Variants in FAM131B observed in about 807,000 individuals in gnomAD.
FAM131B encodes family with sequence similarity 131 member B.
In FAM131B, 19 loss-of-function variants were observed where a neutral mutation model predicts 42.0. That is an observed-to-expected ratio of 0.45 (90% CI 0.32 to 0.66). The LOEUF is 0.66. FAM131B is among the 30% of genes least tolerant of loss of function. The pLI is 0.05. For synonymous variants in FAM131B, 183 were observed against 177.6 expected, an observed-to-expected ratio of 1.03 and a Z score of -0.24; for missense variants, 370 against 468.4, an observed-to-expected ratio of 0.79 and a Z score of 1.94.
chr7:143,378,010 C>CT, the FAM131B span, among the ~76,000 whole-genome samples: 1 of 152,258 alleles, frequency 6.6e-6, no homozygotes, highest in African/African-American at 2.4e-5. Context: ...GCCACTGTGC[C>CT]TGGCCAGGGC....
rs752963735 is a variant in FAM131B at position 143,362,347 on chromosome 7, G to A, written c.28+229C>T. On this transcript the variant is annotated intron_variant, in intron 1 of 6. Coordinates refer to ENST00000443739, the MANE Select transcript of FAM131B (RefSeq NM_001031690.3). The surrounding 1 kb of genome is among the most constrained non-coding windows in gnomAD (Gnocchi z 7.7). The stretch of plus-strand genomic sequence containing the variant: ...GGACCGCGCCTGCGGGAGGGCGACG[G>A]GGAGAAGGAAGCGAGCCGAGCGGGA... Among the ~76,000 whole-genome samples the A allele has an allele frequency of 1.3e-5, 2 of 152,288 alleles. No homozygotes were observed. The highest frequency in any genetic ancestry group is 2.1e-4 in the South Asian group (1 of 4,830).
chr7:143,381,580 C>A, the FAM131B span: 12 of 1,610,102 alleles, frequency 7.5e-6, no homozygotes, highest in Non-Finnish European at 1.0e-5. Context: ...CCATGGCGGC[C>A]CCCCGCCCGT....
chr7:143,375,052 A>G, the FAM131B span, among the ~76,000 whole-genome samples: 150 of 152,292 alleles, frequency 9.8e-4, no homozygotes, highest in African/African-American at 3.5e-3. Context: ...TTTGCTCATT[A>G]TTATGTCCCC....
At position 143,359,061 on chromosome 7, in the gene FAM131B, T is replaced by C. The variant is rs1424943263; in HGVS notation, c.269-37A>G. Reference sequence around the variant, plus strand: ...GACATTTCCCACATCCTCCAGAATATCACACAATACCCATAACCAGACCCT... The same window carrying C: ...GACATTTCCCACATCCTCCAGAATACCACACAATACCCATAACCAGACCCT... On this transcript the variant is annotated intron_variant, in intron 4 of 6. Coordinates refer to ENST00000443739, the MANE Select transcript of FAM131B (RefSeq NM_001031690.3). This position sits in a 1 kb window ranked among gnomAD's most constrained non-coding sequence, Gnocchi z 5.4. 2.5e-6 allele frequency: 4 copies of C among 1,595,500 alleles called. No homozygotes were observed. The highest frequency in any genetic ancestry group is 3.4e-6 in the Non-Finnish European group (4 of 1,167,802).
chr7:143,356,010 C>T lies in FAM131B; in HGVS notation c.*540G>A, dbSNP rs1052109075. Reference sequence around the variant, plus strand: ...CTCTCCACCCTCCCCATGGACGTGCCCTTCAGGCAGCCTCCCCTGCGCCTG... The same window carrying T: ...CTCTCCACCCTCCCCATGGACGTGCTCTTCAGGCAGCCTCCCCTGCGCCTG... On this transcript the variant is annotated 3_prime_UTR_variant, in exon 7 of 7. Transcript: ENST00000443739. This position sits in a 1 kb window ranked among gnomAD's most constrained non-coding sequence, Gnocchi z 4.4. 6.3e-6 allele frequency: 1 copy of T among 158,418 alleles called. No individual in the cohort carries two copies. The highest frequency in any genetic ancestry group is 2.4e-5 in the African/African-American group (1 of 41,450). The allele number at this position is 158,418 out of a possible 1,614,324, so 9.8% of individuals were successfully genotyped here.
At chr7:143,381,696 G>A in the FAM131B span, 4 of 1,606,510 alleles carry the variant, frequency 2.5e-6, no homozygotes, top group East Asian at 6.8e-5. Flanking sequence ...TTCCGGCCCG[G>A]GGACAGCGAG....
chr7:143,375,969 C>G, the FAM131B span, among the ~76,000 whole-genome samples: 2 of 152,230 alleles, frequency 1.3e-5, no homozygotes, highest in African/African-American at 4.8e-5. Flanking sequence ...ATCTGACCAT[C>G]TGCCTCGCTC....
At chr7:143,363,293 C>G (rs972351656), upstream of FAM131B, among the ~76,000 whole-genome samples, 4 of 152,112 alleles carry the variant, frequency 2.6e-5, no homozygotes, top group Admixed American at 2.0e-4. Flanking sequence ...TAGTCCACTT[C>G]TCTGTGCTCG....
chr7:143,369,489 A>C, the FAM131B span, among the ~76,000 whole-genome samples: 604 of 152,226 alleles, frequency 4.0e-3, 6 homozygotes, highest in African/African-American at 0.014. Flanking sequence ...TGCCTGGCCA[A>C]CACGGTGAAA....
the FAM131B span, among the ~76,000 whole-genome samples, chr7:143,370,156 T>G: frequency 6.6e-6 from 1 of 152,342 alleles, no homozygotes; most frequent in East Asian, 1.9e-4. Flanking sequence ...GGCCAAGGAA[T>G]GCAAGCAATG....
At chr7:143,363,794 TAGGTCTCTCCG>T (rs1804107256), upstream of FAM131B, 1 of 152,204 alleles carries the variant, frequency 6.6e-6, no homozygotes, top group South Asian at 2.1e-4. Context: ...CGCCCACTTT[TAGGTCTCTCCG>T]AGGTTGCAGA....
At position 143,354,579 on chromosome 7, in the gene FAM131B, G is replaced by C. The variant is rs1035462027; in HGVS notation, c.*1971C>G. Reference sequence around the variant, plus strand: ...GAGACGGGTGGGGAATAGCTGCCAGGGCGGGCATGCTAGACCACCTCTCAG... The same window carrying C: ...GAGACGGGTGGGGAATAGCTGCCAGCGCGGGCATGCTAGACCACCTCTCAG... On this transcript the variant is annotated 3_prime_UTR_variant, in exon 7 of 7. Transcript: ENST00000443739. 6.6e-6 allele frequency: 1 copy of C among 152,160 alleles called. No individual in the cohort carries two copies. The highest frequency in any genetic ancestry group is 1.5e-5 in the Non-Finnish European group (1 of 68,054). The allele number at this position is 152,160 out of a possible 1,614,324, so 9.4% of individuals were successfully genotyped here. A position where few individuals can be genotyped will look rare whatever the true frequency, so the allele number is the denominator to read the frequency against.
the FAM131B span, chr7:143,381,353 TGCGGACCCGGCGCCGAG>T: frequency 3.5e-6 from 4 of 1,151,734 alleles, no homozygotes; most frequent in Non-Finnish European, 4.3e-6. Flanking sequence ...ACGCAGAGTC[TGCGGACCCGGCGCCGAG>T]GCGGCCACCC....
the FAM131B span, among the ~76,000 whole-genome samples, chr7:143,376,000 C>T: frequency 6.6e-6 from 1 of 152,218 alleles, no homozygotes; most frequent in Non-Finnish European, 1.5e-5. Context: ...ACCCACCACA[C>T]ATTTCTGGCT....
chr7:143,367,976 CAA>C, the FAM131B span, among the ~76,000 whole-genome samples: 1 of 152,340 alleles, frequency 6.6e-6, no homozygotes, highest in East Asian at 1.9e-4. Context: ...GGAAAGCCTG[CAA>C]CCCCTACTGC....
chr7:143,380,614 G>A, the FAM131B span: 2 of 985,510 alleles, frequency 2.0e-6, no homozygotes, highest in Non-Finnish European at 2.4e-6. This position sits in a 1 kb window ranked among gnomAD's most constrained non-coding sequence, Gnocchi z 5.0. Context: ...CAACCGATCT[G>A]CTGGCTGGGG....
upstream of FAM131B, among the ~76,000 whole-genome samples, chr7:143,365,855 C>A (rs957966760): frequency 6.6e-6 from 1 of 152,134 alleles, no homozygotes; most frequent in East Asian, 1.9e-4. Context: ...GAGATCCACC[C>A]GCCTTGGTCT....
chr7:143,381,367 C>T, the FAM131B span: 4 of 1,163,514 alleles, frequency 3.4e-6, no homozygotes, highest in African/African-American at 1.6e-5. Context: ...GACCCGGCGC[C>T]GAGGCGGCCA....
chr7:143,359,092 T>G lies in FAM131B; in HGVS notation c.269-68A>C. 1 of 1,480,810 alleles carries G rather than the reference T, an allele frequency of 6.8e-7. No homozygotes were observed. 91.7% of individuals were successfully genotyped at this position (1,480,810 alleles called of 1,614,324 possible). ...AATACCCATAACCAGACCCTCCCAG[T>G]TCCTCCCACCCCAGCCCCATGAGGC... On this transcript the variant is annotated intron_variant, in intron 4 of 6. Coordinates refer to ENST00000443739, the MANE Select transcript of FAM131B (RefSeq NM_001031690.3). The surrounding 1 kb of genome is among the most constrained non-coding windows in gnomAD (Gnocchi z 5.4).
Sources: gnomAD v4.1 joint callset for allele counts (sites outside exome capture counted in the v4.1 genomes callset) on GRCh38, gnomAD v4.1.1 for gene constraint, Gnocchi (gnomAD v3.1) non-coding constraint, MANE v1.5 for transcripts, NCBI Gene and HGNC (gene_info 2026-07-23, HGNC 2026-07-21) for gene names.